Variants in CD276 observed in about 807,000 individuals in gnomAD.
CD276 encodes the protein CD276 antigen.
Under a neutral mutation model 50.0 loss-of-function variants are expected in CD276, and 34 were observed. The observed-to-expected ratio is 0.68, with a 90% CI of 0.52 to 0.91. CD276 has a LOEUF of 0.91. Among genes scored for constraint, CD276 ranks in the 40% least tolerant of loss-of-function variants. CD276 has a pLI of 0.00. For missense variants in CD276, 634 were observed against 717.5 expected, an observed-to-expected ratio of 0.88 and a Z score of 1.33; for synonymous variants, 275 against 313.0, an observed-to-expected ratio of 0.88 and a Z score of 1.28.
In CD276 at chr15:73,714,350, T is replaced by C. The variant is rs1044581; in HGVS notation, c.*1394T>C. 0.19 allele frequency: 29,006 copies of C among 154,862 alleles called. 4,001 individuals are homozygous for C. Among genetic ancestry groups the C allele is most frequent in the African/African-American group, 0.39 (16,361 of 41,496 alleles). 9.6% of individuals were successfully genotyped at this position (154,862 alleles called of 1,614,324 possible). Reference sequence around the variant, plus strand: ...TCCTGGCTTGCCTCTGGCCAGCTCCTGGCCTCTGGTAGAGTGAGACTTCAG... The same window carrying C: ...TCCTGGCTTGCCTCTGGCCAGCTCCCGGCCTCTGGTAGAGTGAGACTTCAG... On this transcript the variant is annotated 3_prime_UTR_variant, in exon 10 of 10. Coordinates refer to ENST00000318443, the MANE Select transcript of CD276 (RefSeq NM_001024736.2).
chr15:73,692,519 A>AAT (rs1900023575), intron 1 of CD276, among the ~76,000 whole-genome samples: 1 of 152,240 alleles, frequency 6.6e-6, no homozygotes, highest in Non-Finnish European at 1.5e-5. Flanking sequence ...TAAATGAGTT[A>AAT]ATATGTGTAA....
In CD276 at chr15:73,702,410, T is replaced by G. The variant is rs932883539; in HGVS notation, c.235T>G (p.Phe79Val). Residue 79 changes from phenylalanine to valine, a missense_variant, in exon 3 of 10, where the codon TTT (phenylalanine) becomes GTT (valine). By Grantham distance (50) the Phe-to-Val change is conservative. Coordinates refer to ENST00000318443, the MANE Select transcript of CD276 (RefSeq NM_001024736.2). ...AGATACCAAACAGCTGGTGCACAGC[T>G]TTGCTGAGGGCCAGGACCAGGGCAG... ...LTDTKQLVHSFAEGQDQGSAY... is the reference protein window; with the variant it reads ...LTDTKQLVHSVAEGQDQGSAY... The G allele has an allele frequency of 6.2e-7, 1 of 1,613,622 alleles. No homozygotes were observed. Among genetic ancestry groups the G allele is most frequent in the African/African-American group, 1.3e-5 (1 of 74,908 alleles).
intron 2 of CD276, among the ~76,000 whole-genome samples, chr15:73,700,078 T>C: frequency 6.6e-6 from 1 of 152,272 alleles, no homozygotes; most frequent in South Asian, 2.1e-4. Context: ...TCACCTCCTC[T>C]CAAGGCTCTC....
In CD276 at chr15:73,702,524, G is replaced by A. The variant is rs200105637; in HGVS notation, c.349G>A (p.Glu117Lys). The A allele has an allele frequency of 2.9e-5, 47 of 1,612,658 alleles. No individual in the cohort carries two copies. Among genetic ancestry groups the A allele is most frequent in the Middle Eastern group, 1.6e-4 (1 of 6,074 alleles). Reference sequence around the variant, plus strand: ...GCTGCAGCGCGTGCGTGTGGCGGACGAGGGCAGCTTCACCTGCTTCGTGAG... The same window carrying A: ...GCTGCAGCGCGTGCGTGTGGCGGACAAGGGCAGCTTCACCTGCTTCGTGAG... ...LRLQRVRVAD[E>K]GSFTCFVSIR... Residue 117 changes from glutamate (E) to lysine (K), a missense_variant, in exon 3 of 10, where the codon GAG becomes AAG. Coordinates refer to ENST00000318443, the MANE Select transcript of CD276 (RefSeq NM_001024736.2).
intron 1 of CD276, among the ~76,000 whole-genome samples, chr15:73,695,538 C>A (rs893897648): frequency 9.2e-5 from 14 of 152,124 alleles, no homozygotes; most frequent in African/African-American, 3.1e-4. Flanking sequence ...AGAATCTGCT[C>A]CTTGAGGACA....
At position 73,702,498 on chromosome 15, in the gene CD276, G is replaced by A. The variant is rs144525339; in HGVS notation, c.323G>A (p.Arg108Lys). The A allele has an allele frequency of 8.7e-6, 14 of 1,613,384 alleles. No individual in the cohort carries two copies. Among genetic ancestry groups the A allele is most frequent in the African/African-American group, 5.3e-5 (4 of 74,942 alleles). The change falls in exon 3 of 10, where the codon AGG becomes AAG. Residue 108 changes from arginine to lysine, a missense_variant. Physicochemically the swap from Arg to Lys is conservative, Grantham distance 26. Transcript: ENST00000318443. ...CTGGCACAGGGCAACGCATCCCTGA[G>A]GCTGCAGCGCGTGCGTGTGGCGGAC... ...DLLAQGNASL[R>K]LQRVRVADEG...
chr15:73,697,679 C>T (rs1168507668), intron 1 of CD276: 1 of 151,664 alleles, frequency 6.6e-6, no homozygotes, highest in Non-Finnish European at 1.5e-5. Context: ...AGCAATTCTC[C>T]TGCCTCAGCC....
At chr15:73,710,342 T>C (rs1290447860) in intron 8 of CD276, among the ~76,000 whole-genome samples, 1 of 152,224 alleles carries the variant, frequency 6.6e-6, no homozygotes, top group African/African-American at 2.4e-5. Flanking sequence ...CCTGCCCTGA[T>C]GGCACCAGAG....
At chr15:73,695,639 T>A (rs192622788) in intron 1 of CD276, among the ~76,000 whole-genome samples, 144 of 152,252 alleles carry the variant, frequency 9.5e-4, no homozygotes, top group African/African-American at 3.2e-3. Flanking sequence ...CATGAATGCA[T>A]GTGGATTCAA....
rs573806288 is a variant in CD276 at position 73,713,883 on chromosome 15, G to A, written c.*927G>A. 194 of 396,568 alleles carry A rather than the reference G, an allele frequency of 4.9e-4. 1 individual carries two copies. The highest frequency in any genetic ancestry group is 3.7e-3 in the African/African-American group (167 of 45,714). The allele number at this position is 396,568 out of a possible 1,614,324, so 24.6% of individuals were successfully genotyped here. A position where few individuals can be genotyped will look rare whatever the true frequency, so the allele number is the denominator to read the frequency against. On this transcript the variant is annotated 3_prime_UTR_variant, in exon 10 of 10. Transcript: ENST00000318443. ...AACTACAGATGTCAGCACTGTGTTA[G>A]GTGCTGGGGGCCCTGCGTGGGAAGA...
intron 1 of CD276, among the ~76,000 whole-genome samples, chr15:73,690,254 A>G (rs150155708): frequency 3.7e-4 from 56 of 152,344 alleles, no homozygotes; most frequent in Non-Finnish European, 5.0e-4. Context: ...TAGTTAAATA[A>G]AGCAGATGTG....
At chr15:73,691,759 C>T (rs537000796) in intron 1 of CD276, among the ~76,000 whole-genome samples, 5 of 152,162 alleles carry the variant, frequency 3.3e-5, no homozygotes, top group Non-Finnish European at 7.3e-5. Flanking sequence ...AAGACGGAGA[C>T]GATCTGCTCG....
upstream of CD276, chr15:73,684,186 G>GGGGGC (rs1261234147): frequency 5.1e-4 from 78 of 151,834 alleles, no homozygotes; most frequent in East Asian, 6.7e-3. Context: ...GGTCAGGCCT[G>GGGGGC]GGGGCGGGGC....
intron 1 of CD276, among the ~76,000 whole-genome samples, chr15:73,693,066 G>A (rs1900046445): frequency 1.3e-5 from 2 of 152,166 alleles, no homozygotes; most frequent in African/African-American, 4.8e-5. Context: ...TGGGAGCTGG[G>A]TAGCAGCACA....
At position 73,713,499 on chromosome 15, in the gene CD276, TCTC is replaced by T. The variant is rs1900996545; in HGVS notation, c.*546_*548del. ...AGACAGGGACAGTGCGGCCTCAACA[TCTC>T]CTGGAGTCTAGAAGCTGTTTCCTTT... On this transcript the variant is annotated 3_prime_UTR_variant, in exon 10 of 10. Transcript: ENST00000318443. 6.8e-6 allele frequency: 2 copies of T among 293,084 alleles called. No individual in the cohort carries two copies. The highest frequency in any genetic ancestry group is 1.3e-5 in the Non-Finnish European group (2 of 152,902). 18.2% of individuals were successfully genotyped at this position (293,084 alleles called of 1,614,324 possible). A position where few individuals can be genotyped will look rare whatever the true frequency, so the allele number is the denominator to read the frequency against.
rs898731454 is a variant in CD276, at chr15:73,699,788, G to T, written c.79+70G>T. 4.7e-6 allele frequency: 7 copies of T among 1,499,044 alleles called. 1 individual carries two copies. In the South Asian group the frequency reaches 8.0e-5, roughly 17 times the overall value. The allele number at this position is 1,499,044 out of a possible 1,614,324, so 92.9% of individuals were successfully genotyped here. A position where few individuals can be genotyped will look rare whatever the true frequency, so the allele number is the denominator to read the frequency against. On this transcript the variant is annotated intron_variant, in intron 2 of 9. Coordinates refer to ENST00000318443, the MANE Select transcript of CD276 (RefSeq NM_001024736.2). ...TGGCAGTTGGGGAGGGGGTGCCCAC[G>T]CCTGTTAGGGGTCCTGCCAAGCCAG...
chr15:73,702,233 T>C, intron 2 of CD276, 22 bp from the exon 3 acceptor site: 1 of 1,572,726 alleles, frequency 6.4e-7, no homozygotes, highest in Non-Finnish European at 8.6e-7. Context: ...CCTTATATGT[T>C]CTCCACTCCC....
In CD276 at chr15:73,712,950, A is replaced by G; in HGVS notation, c.1599A>G (p.Ile533Met). 1.2e-6 allele frequency: 2 copies of G among 1,613,918 alleles called. No homozygotes were observed. The highest frequency in any genetic ancestry group is 1.7e-6 in the Non-Finnish European group (2 of 1,179,872). Residue 533 changes from isoleucine to methionine, a missense_variant, in exon 10 of 10, where the codon ATA (isoleucine) becomes ATG (methionine). Transcript: ENST00000318443. ...SDSKEDDGQE[I>M]A ...GAAATGAAGATGATGGACAAGAAAT[A>G]GCCTGACCATGAGGACCAGGGAGCT...
At chr15:73,706,199 G>A (rs995890055) in intron 6 of CD276, among the ~76,000 whole-genome samples, 6 of 152,286 alleles carry the variant, frequency 3.9e-5, no homozygotes, top group East Asian at 1.9e-4. Flanking sequence ...GCAGTGAGCC[G>A]AGACAGTGTC....
Sources: allele counts gnomAD v4.1 joint callset (sites outside exome capture counted in the v4.1 genomes callset), GRCh38; gene constraint gnomAD v4.1.1; transcripts MANE v1.5; gene names NCBI Gene and HGNC (gene_info 2026-07-23, HGNC 2026-07-21).